The following FMN2 variants were observed in gnomAD, a reference collection of about 807,000 sequenced individuals.
The protein encoded by FMN2 is formin 2.
FMN2 carries 51 observed loss-of-function variants against 142.3 expected under a neutral mutation model. The ratio of observed to expected loss-of-function variants is 0.36; its 90% CI spans 0.29 to 0.45. The LOEUF (loss-of-function observed/expected upper bound fraction) is 0.45, where lower values mean the gene tolerates loss of function less well. FMN2 is among the 20% of genes least tolerant of loss of function. FMN2 has a pLI of 1.00. For missense variants in FMN2, 1,936 were observed against 2,122.8 expected, an observed-to-expected ratio of 0.91 and a Z score of 1.73; for synonymous variants, 882 against 869.8, an observed-to-expected ratio of 1.01 and a Z score of -0.25.
chr1:240,164,821 G>A (rs1185299495), intron 2 of FMN2, among the ~76,000 whole-genome samples: 1 of 152,148 alleles, frequency 6.6e-6, no homozygotes. Context: ...GAAATCAGTA[G>A]TAGTTTGATA....
intron 6 of FMN2, among the ~76,000 whole-genome samples, chr1:240,224,771 A>T (rs1667241758): frequency 6.6e-6 from 1 of 152,166 alleles, no homozygotes; most frequent in Admixed American, 6.5e-5. Flanking sequence ...GCAGCCAAGG[A>T]GATGGGAGCT....
chr1:240,171,580 C>G (rs1400751314), intron 2 of FMN2, among the ~76,000 whole-genome samples: 1 of 152,112 alleles, frequency 6.6e-6, no homozygotes, highest in Non-Finnish European at 1.5e-5. Flanking sequence ...TATGGAAGAA[C>G]CAGAAAAAAT....
intron 14 of FMN2, among the ~76,000 whole-genome samples, 158 bp from the exon 15 acceptor site, chr1:240,392,353 A>T (rs1480705081): frequency 2.0e-5 from 3 of 152,178 alleles, no homozygotes; most frequent in Non-Finnish European, 4.4e-5. Context: ...CATTTAAATC[A>T]TGTATCTATG....
chr1:240,330,231 G>A (rs1671331620), intron 10 of FMN2, among the ~76,000 whole-genome samples: 2 of 152,164 alleles, frequency 1.3e-5, no homozygotes, highest in Non-Finnish European at 2.9e-5. Context: ...TTAAGACAAT[G>A]GCAGTGATAT....
chr1:240,250,974 T>TCG lies in FMN2; in HGVS notation c.4066-6970_4066-6969insGC, dbSNP rs1553349916. On this transcript the variant is annotated intron_variant, in intron 6 of 17. Coordinates refer to ENST00000319653, the MANE Select transcript of FMN2 (RefSeq NM_020066.5). ...TGATTTTGTTCATTTGGGTCTTCTC[T>TCG]CATTTTCTTGGTTAGTCTAGCTAGC... Among the ~76,000 whole-genome samples the TCG allele has an allele frequency of 1.5e-3, 233 of 151,690 alleles. 1 individual carries two copies. The highest frequency in any genetic ancestry group is 5.4e-3 in the African/African-American group (224 of 41,340).
At chr1:240,439,279 A>AAAAAAAAAAAAAG (rs555074808) in intron 16 of FMN2, among the ~76,000 whole-genome samples, 19 of 124,768 alleles carry the variant, frequency 1.5e-4, no homozygotes, top group African/African-American at 5.6e-4. Flanking sequence ...TCAAAAAAAA[A>AAAAAAAAAAAAAG]AAAGAAAGAA....
chr1:240,120,675 G>A (rs17611925), intron 1 of FMN2, among the ~76,000 whole-genome samples: 1 of 152,114 alleles, frequency 6.6e-6, no homozygotes, highest in Admixed American at 6.6e-5. Flanking sequence ...AAGAAACTAT[G>A]AAGGGTTCCA....
At chr1:240,414,782 G>A (rs534458859) in intron 15 of FMN2, among the ~76,000 whole-genome samples, 1 of 152,202 alleles carries the variant, frequency 6.6e-6, no homozygotes, top group East Asian at 1.9e-4. Context: ...AACACAAATG[G>A]TACTTGTAAG....
intron 8 of FMN2, among the ~76,000 whole-genome samples, chr1:240,316,516 G>T (rs1321452912): frequency 6.6e-6 from 1 of 152,098 alleles, no homozygotes; most frequent in Non-Finnish European, 1.5e-5. Context: ...CTGTGGGGTA[G>T]CAATGAGAGT....
At chr1:240,370,752 C>A (rs528585088) in intron 14 of FMN2, among the ~76,000 whole-genome samples, 4 of 152,244 alleles carry the variant, frequency 2.6e-5, no homozygotes, top group African/African-American at 9.6e-5. Context: ...ACAGGTCTCA[C>A]TTTTCCTCAT....
rs545188513 is a variant in FMN2 at position 240,136,982 on chromosome 1, A to C, written c.1782+13637A>C. ...CTACTAGGGAGGCTGAGGGAAGAGA[A>C]TCGCTTGAACCCAAGAGGCGGACAT... On this transcript the variant is annotated intron_variant, in intron 2 of 17. Transcript: ENST00000319653. Among the ~76,000 whole-genome samples, 6 of 151,248 alleles carry C rather than the reference A, an allele frequency of 4.0e-5. No individual in the cohort carries two copies. The East Asian group carries it at 1.2e-3, about 30-fold the overall frequency.
In FMN2 at chr1:240,120,844, A is replaced by G. The variant is rs186157829; in HGVS notation, c.1616-2335A>G. ...GATGAAAGTTTGTGAATGCAAAACA[A>G]GCTACATAAATGTTTGAAAGTTAAA... On this transcript the variant is annotated intron_variant, in intron 1 of 17. Transcript: ENST00000319653. 2.0e-3 allele frequency among the ~76,000 whole-genome samples: 308 copies of G among 152,332 alleles called. 1 individual carries two copies. Among genetic ancestry groups the G allele is most frequent in the Admixed American group, 3.1e-3 (48 of 15,294 alleles).
intron 6 of FMN2, chr1:240,245,238 T>G (rs114567537): frequency 1.2e-3 from 319 of 276,072 alleles, no homozygotes; most frequent in African/African-American, 6.8e-3. Flanking sequence ...AGAAATACAT[T>G]ATCAGGGGCC....
Position 240,207,134 on chromosome 1 carries a change from A to C in FMN2, c.2322A>C (p.Glu774Asp). ...GTCCTCCATGCCCCCCTGGGGCTGA[A>C]AGTGGACCTCAGACAAAGTTCTGTT... is the stretch of plus-strand genomic sequence containing the variant. The part of the protein sequence containing the change: ...PGRPPCPPGA[E>D]SGPQTKFCSE... Residue 774 changes from glutamate (E) to aspartate (D), a missense_variant, in exon 5 of 18, where the codon GAA becomes GAC. Glu to Asp is a conservative substitution (Grantham distance 45). Around this residue, in one of 8 missense-constraint regions of FMN2, gnomAD observed 478 missense variants for 462.8 expected, o/e 1.03. Coordinates refer to ENST00000319653, the MANE Select transcript of FMN2 (RefSeq NM_020066.5). 1.2e-6 allele frequency: 2 copies of C among 1,614,056 alleles called. No individual in the cohort carries two copies. Among genetic ancestry groups the C allele is most frequent in the Non-Finnish European group, 1.7e-6 (2 of 1,179,980 alleles).
intron 6 of FMN2, among the ~76,000 whole-genome samples, chr1:240,224,389 G>A (rs1411403935): frequency 6.6e-6 from 1 of 151,878 alleles, no homozygotes; most frequent in Non-Finnish European, 1.5e-5. Flanking sequence ...TTGCTGAGGA[G>A]TGTTTTACTT....
chr1:240,138,656 A>C (rs1663055209), intron 2 of FMN2, among the ~76,000 whole-genome samples: 1 of 152,126 alleles, frequency 6.6e-6, no homozygotes, highest in Non-Finnish European at 1.5e-5. Flanking sequence ...GCAGTGAGCC[A>C]AGATTATGTC....
At chr1:240,415,309 C>T (rs1674540794) in intron 15 of FMN2, among the ~76,000 whole-genome samples, 1 of 152,100 alleles carries the variant, frequency 6.6e-6, no homozygotes, top group Non-Finnish European at 1.5e-5. Context: ...ACCACATGTC[C>T]TCACTCATAA....
intron 14 of FMN2, among the ~76,000 whole-genome samples, chr1:240,390,967 G>A (rs1673584296): frequency 6.6e-6 from 1 of 152,172 alleles, no homozygotes; most frequent in Non-Finnish European, 1.5e-5. Flanking sequence ...GCATTGTAGT[G>A]CTTTTGTTAT....
chr1:240,153,992 T>C (rs1283882604), intron 2 of FMN2, among the ~76,000 whole-genome samples: 1 of 150,876 alleles, frequency 6.6e-6, no homozygotes, highest in African/African-American at 2.4e-5. Context: ...GGTGCATGCC[T>C]GTAATCACAG....
Sources: gnomAD v4.1 joint callset for allele counts (sites outside exome capture counted in the v4.1 genomes callset) on GRCh38, gnomAD v4.1.1 for gene constraint, gnomAD v4.1.1 regional missense constraint, MANE v1.5 for transcripts, NCBI Gene and HGNC (gene_info 2026-07-23, HGNC 2026-07-21) for gene names.